DLGAP4: variants seen among roughly 807,000 people sequenced by gnomAD.
The protein encoded by DLGAP4 is disks large-associated protein 4.
Under a neutral mutation model 86.9 loss-of-function variants are expected in DLGAP4, and 18 were observed. The observed-to-expected ratio is 0.21, with a 90% CI of 0.14 to 0.31. The LOEUF (loss-of-function observed/expected upper bound fraction) is 0.31, where lower values mean the gene tolerates loss of function less well. Ranked by LOEUF, DLGAP4 falls within the 10% of genes least tolerant of loss-of-function variation. The probability of loss-of-function intolerance (pLI) is 1.00; values close to 1 mark genes in which losing one functional copy is unlikely to be tolerated. For missense variants in DLGAP4, 1,085 were observed against 1,362.6 expected, an observed-to-expected ratio of 0.80 and a Z score of 3.21; for synonymous variants, 548 against 574.3, an observed-to-expected ratio of 0.95 and a Z score of 0.65.
At chr20:36,384,267 T>A (rs533354541) in intron 2 of DLGAP4, among the ~76,000 whole-genome samples, 1 of 152,226 alleles carries the variant, frequency 6.6e-6, no homozygotes, top group Non-Finnish European at 1.5e-5. Flanking sequence ...GGGGGTGCTG[T>A]CCTCGGTTCT....
rs533714012 is a variant in DLGAP4, at chr20:36,471,615, T to A, written c.1648+24678T>A. Among the ~76,000 whole-genome samples, 429 of 152,350 alleles carry A rather than the reference T, an allele frequency of 2.8e-3. 5 individuals carry two copies. The highest frequency in any genetic ancestry group is 1.1e-3 in the Non-Finnish European group (74 of 68,040). On this transcript the variant is annotated intron_variant, in intron 7 of 12. Coordinates refer to ENST00000339266, the MANE Select transcript of DLGAP4 (RefSeq NM_001365621.2). ...CTCATCTGAATAGTTGGGAGACTCA[T>A]TCCTGCCTTTCTCATGTCCCTGGCT...
intron 2 of DLGAP4, among the ~76,000 whole-genome samples, chr20:36,394,522 A>T (rs755009743): frequency 2.0e-5 from 3 of 152,092 alleles, no homozygotes; most frequent in Non-Finnish European, 4.4e-5. Flanking sequence ...TTCTGCAGTG[A>T]GCCGGGGCTG....
chr20:36,365,314 G>C (rs1286607153), intron 1 of DLGAP4, among the ~76,000 whole-genome samples: 1 of 152,220 alleles, frequency 6.6e-6, no homozygotes, highest in Non-Finnish European at 1.5e-5. Context: ...ACTCGGTCAG[G>C]AACGCATCTT....
intron 6 of DLGAP4, among the ~76,000 whole-genome samples, chr20:36,444,430 C>T (rs376577101): frequency 2.0e-4 from 31 of 151,884 alleles, no homozygotes; most frequent in South Asian, 6.2e-4. Flanking sequence ...ACTACAGGCA[C>T]GCACCACCAT....
intron 7 of DLGAP4, among the ~76,000 whole-genome samples, chr20:36,477,139 C>A (rs2034982953): frequency 6.6e-6 from 1 of 151,496 alleles, no homozygotes; most frequent in South Asian, 2.1e-4. Flanking sequence ...CTCTGTCACC[C>A]AGCTTGGAGT....
At chr20:36,379,425 C>T (rs1404113605) in intron 2 of DLGAP4, among the ~76,000 whole-genome samples, 3 of 152,146 alleles carry the variant, frequency 2.0e-5, no homozygotes, top group African/African-American at 7.2e-5. Flanking sequence ...AATTCTGGAC[C>T]AGGGAGAAGT....
At chr20:36,416,404 G>A (rs2032655100) in intron 2 of DLGAP4, among the ~76,000 whole-genome samples, 1 of 152,264 alleles carries the variant, frequency 6.6e-6, no homozygotes, top group African/African-American at 2.4e-5. Context: ...TTACAGGCGT[G>A]AGCCACGCAC....
intron 3 of DLGAP4, 123 bp from the exon 4 acceptor site, chr20:36,435,986 A>T (rs536814743): frequency 7.2e-7 from 1 of 1,386,882 alleles, no homozygotes; most frequent in South Asian, 1.6e-5. Context: ...CAAAGGCGGG[A>T]AACCCAGCAC....
intron 5 of DLGAP4, among the ~76,000 whole-genome samples, chr20:36,442,256 G>A (rs1405217558): frequency 2.0e-5 from 3 of 152,140 alleles, no homozygotes; most frequent in Non-Finnish European, 4.4e-5. Context: ...GTGCAATGGC[G>A]CGATCCCAGC....
intron 1 of DLGAP4, among the ~76,000 whole-genome samples, chr20:36,348,480 G>A (rs965398719): frequency 2.0e-5 from 3 of 151,638 alleles, no homozygotes; most frequent in African/African-American, 4.9e-5. Context: ...CTAAAGTGGC[G>A]CGATCTCGGC....
At chr20:36,320,000 T>TCTCCTCCAGGCCTCCCTCTGTGTCCGC (rs2065149817) in intron 1 of DLGAP4, among the ~76,000 whole-genome samples, 2 of 70,716 alleles carry the variant, frequency 2.8e-5, no homozygotes, top group African/African-American at 1.4e-4. Flanking sequence ...TCTGTGTCCC[T>TCTCCTCCAGGCCTCCCTCTGTGTCCGC]CTCCTCCAGG....
At chr20:36,471,575 T>A (rs1429872503) in intron 7 of DLGAP4, among the ~76,000 whole-genome samples, 2 of 152,244 alleles carry the variant, frequency 1.3e-5, no homozygotes, top group African/African-American at 4.8e-5. Context: ...TGCCCTTCAC[T>A]GAACCTCAGT....
At chr20:36,345,227 C>T (rs1555892813) in intron 1 of DLGAP4, among the ~76,000 whole-genome samples, 1 of 152,210 alleles carries the variant, frequency 6.6e-6, no homozygotes, top group African/African-American at 2.4e-5. Flanking sequence ...GGCAAAGGGA[C>T]CATCTTCAGA....
intron 2 of DLGAP4, among the ~76,000 whole-genome samples, chr20:36,381,177 C>CAGCA (rs1462067654): frequency 3.9e-5 from 6 of 152,238 alleles, no homozygotes; most frequent in Non-Finnish European, 8.8e-5. Flanking sequence ...TTCATTCATT[C>CAGCA]AGCAAGCAAG....
intron 2 of DLGAP4, among the ~76,000 whole-genome samples, chr20:36,380,654 AG>A (rs2031353970): frequency 8.6e-6 from 1 of 116,588 alleles, no homozygotes; most frequent in Non-Finnish European, 1.7e-5. Flanking sequence ...AGAGAGAGAG[AG>A]AGAGAGAGAA....
chr20:36,334,155 A>G (rs2065298081), intron 1 of DLGAP4, among the ~76,000 whole-genome samples: 1 of 152,232 alleles, frequency 6.6e-6, no homozygotes, highest in Admixed American at 6.5e-5. Context: ...CAGGGCTCTC[A>G]CATGAGAGGT....
intron 7 of DLGAP4, among the ~76,000 whole-genome samples, chr20:36,481,883 T>C (rs1388388909): frequency 6.6e-6 from 1 of 152,220 alleles, no homozygotes; most frequent in East Asian, 1.9e-4. Context: ...GTGTCTGTGG[T>C]CAGCTGACGT....
At chr20:36,373,547 G>A (rs1600449362) in intron 2 of DLGAP4, among the ~76,000 whole-genome samples, 1 of 152,124 alleles carries the variant, frequency 6.6e-6, no homozygotes, top group Admixed American at 6.6e-5. Flanking sequence ...CCACCAGCTG[G>A]GGGTGGGGTC....
intron 8 of DLGAP4, chr20:36,497,333 C>T: frequency 7.5e-7 from 1 of 1,329,852 alleles, no homozygotes; most frequent in Non-Finnish European, 9.6e-7. Context: ...TACACTCAGC[C>T]AGCCATCTCC....
Sources: allele counts gnomAD v4.1 joint callset (sites outside exome capture counted in the v4.1 genomes callset), GRCh38; gene constraint gnomAD v4.1.1; transcripts MANE v1.5; gene names NCBI Gene and HGNC (gene_info 2026-07-23, HGNC 2026-07-21).